Variants in FNDC3B observed in about 807,000 individuals in gnomAD.
FNDC3B encodes fibronectin type III domain-containing protein 3B.
FNDC3B carries 12 observed loss-of-function variants against 151.5 expected under a neutral mutation model. That is an observed-to-expected ratio of 0.08 (90% confidence interval 0.05 to 0.13). The LOEUF is 0.13. FNDC3B is among the 10% of genes least tolerant of loss of function. FNDC3B has a pLI of 1.00. For synonymous variants in FNDC3B, 528 were observed against 549.0 expected (o/e 0.96, Z 0.54); for missense variants, 1,214 against 1,505.3 (o/e 0.81, Z 3.20).
chr3:172,346,231 T>C lies in FNDC3B; in HGVS notation c.2251-96T>C, dbSNP rs142683305. 8.7e-5 allele frequency: 51 copies of C among 588,832 alleles called. No homozygotes were observed. In the East Asian group the frequency reaches 1.5e-3, roughly 17 times the overall value. 36.5% of individuals were successfully genotyped at this position (588,832 alleles called of 1,614,324 possible). A position where few individuals can be genotyped will look rare whatever the true frequency, so the allele number is the denominator to read the frequency against. ...AGTTGTGTTGATGATGATGTTAGCC[T>C]AGCTTTTATTTGGTTATAAGCTTTT... is the stretch of plus-strand genomic sequence containing the variant. On this transcript the variant is annotated intron_variant, in intron 19 of 25. Coordinates refer to ENST00000415807, the MANE Select transcript of FNDC3B (RefSeq NM_022763.4).
intron 4 of FNDC3B, among the ~76,000 whole-genome samples, chr3:172,232,414 G>A (rs891218531): frequency 1.3e-5 from 2 of 152,214 alleles, no homozygotes; most frequent in African/African-American, 4.8e-5. Flanking sequence ...GACAGCTGTG[G>A]AGGTGCAATC....
intron 3 of FNDC3B, among the ~76,000 whole-genome samples, chr3:172,194,657 T>G (rs1216559483): frequency 1.3e-5 from 2 of 152,230 alleles, no homozygotes; most frequent in African/African-American, 4.8e-5. Flanking sequence ...TTTGAAACAC[T>G]TGACATTGTG....
At chr3:172,378,701 C>A (rs959120774) in intron 24 of FNDC3B, among the ~76,000 whole-genome samples, 1 of 152,152 alleles carries the variant, frequency 6.6e-6, no homozygotes, top group African/African-American at 2.4e-5. Context: ...CCTGGTGCTG[C>A]AACCCTTAAG....
At chr3:172,299,554 T>C (rs1730796851) in intron 9 of FNDC3B, among the ~76,000 whole-genome samples, 1 of 152,182 alleles carries the variant, frequency 6.6e-6, no homozygotes, top group Non-Finnish European at 1.5e-5. Flanking sequence ...CTTTATTTTA[T>C]CTAATATTTA....
At chr3:172,124,673 C>A (rs928249730) in intron 2 of FNDC3B, among the ~76,000 whole-genome samples, 1 of 152,208 alleles carries the variant, frequency 6.6e-6, no homozygotes, top group Non-Finnish European at 1.5e-5. Flanking sequence ...ACTTTGGAAG[C>A]CTGCTGATTA....
intron 9 of FNDC3B, among the ~76,000 whole-genome samples, chr3:172,303,522 T>A (rs1731040030): frequency 6.6e-6 from 1 of 152,192 alleles, no homozygotes; most frequent in Non-Finnish European, 1.5e-5. Flanking sequence ...AGCACCTGTT[T>A]CCTAAGCATT....
At chr3:172,383,418 T>A (rs895690805) in intron 25 of FNDC3B, among the ~76,000 whole-genome samples, 2 of 152,188 alleles carry the variant, frequency 1.3e-5, no homozygotes, top group African/African-American at 4.8e-5. Flanking sequence ...GGAGAAGTAG[T>A]CTTAACCTAA....
chr3:172,092,031 A>G (rs551889260), intron 1 of FNDC3B, among the ~76,000 whole-genome samples: 336 of 152,194 alleles, frequency 2.2e-3, no homozygotes, highest in African/African-American at 7.5e-3. Flanking sequence ...CATGCATGGC[A>G]CCTCTAACCT....
At chr3:172,277,197 A>G (rs1729476728) in intron 6 of FNDC3B, among the ~76,000 whole-genome samples, 1 of 152,218 alleles carries the variant, frequency 6.6e-6, no homozygotes, top group Admixed American at 6.5e-5. Context: ...CAAAATGTTA[A>G]TAAGTTGACC....
intron 3 of FNDC3B, 103 bp from the exon 4 acceptor site, chr3:172,226,768 A>G (rs1389486168): frequency 1.1e-5 from 8 of 751,040 alleles, no homozygotes; most frequent in Non-Finnish European, 1.6e-5. Context: ...GCAAATTGTC[A>G]AAGTCATTAA....
chr3:172,142,531 A>G (rs890580200), intron 3 of FNDC3B, among the ~76,000 whole-genome samples: 1 of 152,206 alleles, frequency 6.6e-6, no homozygotes, highest in Non-Finnish European at 1.5e-5. Flanking sequence ...AGGCTATTTC[A>G]CAGCTTGTAG....
intron 1 of FNDC3B, among the ~76,000 whole-genome samples, chr3:172,052,560 C>A (rs1716715619): frequency 6.6e-6 from 1 of 152,174 alleles, no homozygotes; most frequent in Non-Finnish European, 1.5e-5. Context: ...TTGGAAAGAA[C>A]TTGAGGAGAA....
chr3:172,271,485 T>TG (rs1729197871), intron 6 of FNDC3B, among the ~76,000 whole-genome samples: 3 of 151,192 alleles, frequency 2.0e-5, no homozygotes, highest in African/African-American at 7.2e-5. Context: ...TCAGCACATT[T>TG]TTTGTTGTTG....
intron 6 of FNDC3B, among the ~76,000 whole-genome samples, chr3:172,280,600 A>AT (rs1454622086): frequency 2.6e-5 from 4 of 152,248 alleles, no homozygotes; most frequent in African/African-American, 4.8e-5. Flanking sequence ...GAGAGAAATA[A>AT]TGTTGATGTC....
intron 3 of FNDC3B, among the ~76,000 whole-genome samples, chr3:172,172,966 G>T (rs960952142): frequency 7.9e-5 from 12 of 152,082 alleles, no homozygotes; most frequent in Non-Finnish European, 1.2e-4. Flanking sequence ...TATTAATTGG[G>T]CACTTATATT....
chr3:172,324,256 C>T (rs982485322), intron 11 of FNDC3B, among the ~76,000 whole-genome samples: 5 of 151,622 alleles, frequency 3.3e-5, no homozygotes, highest in African/African-American at 1.2e-4. Flanking sequence ...GAATATGAGT[C>T]GACTTACTGG....
At chr3:172,178,449 T>C (rs145429360) in intron 3 of FNDC3B, among the ~76,000 whole-genome samples, 10 of 152,224 alleles carry the variant, frequency 6.6e-5, no homozygotes, top group African/African-American at 2.4e-4. Context: ...AGATCACATG[T>C]TTTACTTAAC....
chr3:172,382,244 A>G (rs1023171794), intron 25 of FNDC3B, among the ~76,000 whole-genome samples: 4 of 152,038 alleles, frequency 2.6e-5, no homozygotes, highest in African/African-American at 7.2e-5. Context: ...TTTTTTTCAT[A>G]TGTTTGTTGG....
At chr3:172,234,750 T>C (rs1727054412) in intron 4 of FNDC3B, among the ~76,000 whole-genome samples, 1 of 152,234 alleles carries the variant, frequency 6.6e-6, no homozygotes, top group African/African-American at 2.4e-5. Flanking sequence ...ACATTTTATT[T>C]AATTGCACAA....
Sources: gnomAD v4.1 joint callset for allele counts (sites outside exome capture counted in the v4.1 genomes callset) on GRCh38, gnomAD v4.1.1 for gene constraint, MANE v1.5 for transcripts, NCBI Gene and HGNC (gene_info 2026-07-23, HGNC 2026-07-21) for gene names.